The following FOXN3 variants were observed in gnomAD, a reference collection of about 807,000 sequenced individuals.
FOXN3 encodes forkhead box protein N3.
FOXN3 carries 7 observed loss-of-function variants against 38.4 expected under a neutral mutation model. The observed-to-expected ratio is 0.18, with a 90% CI of 0.10 to 0.34. The LOEUF is 0.34. Ranked by LOEUF, FOXN3 falls within the 10% of genes least tolerant of loss-of-function variation. FOXN3 has a pLI of 1.00. For synonymous variants in FOXN3, 230 were observed against 242.2 expected (o/e 0.95, Z 0.47); for missense variants, 456 against 613.4 (o/e 0.74, Z 2.71).
At chr14:89,303,869 C>T (rs1220231420) in intron 3 of FOXN3, among the ~76,000 whole-genome samples, 1 of 152,188 alleles carries the variant, frequency 6.6e-6, no homozygotes, top group Non-Finnish European at 1.5e-5. Flanking sequence ...CCCAGGCAAC[C>T]AAGCACTAAA....
intron 4 of FOXN3, among the ~76,000 whole-genome samples, chr14:89,230,121 A>C (rs78202277): frequency 0.039 from 5,922 of 152,332 alleles, 361 homozygotes; most frequent in African/African-American, 0.13. Context: ...CTCCATAGGA[A>C]ACCAGGGAGG....
intron 1 of FOXN3, among the ~76,000 whole-genome samples, chr14:89,495,797 C>T (rs1893667525): frequency 6.6e-6 from 1 of 152,134 alleles, no homozygotes; most frequent in Non-Finnish European, 1.5e-5. Flanking sequence ...TGGTAGGTAT[C>T]ACCAATCTCA....
intron 1 of FOXN3, chr14:89,493,796 T>C (rs1367718006): frequency 2.0e-5 from 3 of 152,108 alleles, no homozygotes; most frequent in Admixed American, 2.0e-4. Context: ...CACATTCGAT[T>C]TGCTTTAAGA....
chr14:89,433,068 C>T (rs1452114049), intron 1 of FOXN3, among the ~76,000 whole-genome samples: 1 of 152,224 alleles, frequency 6.6e-6, no homozygotes, highest in Non-Finnish European at 1.5e-5. Context: ...GAAACAGACA[C>T]ATTTGGCTGG....
intron 1 of FOXN3, among the ~76,000 whole-genome samples, chr14:89,441,697 G>A (rs1892386858): frequency 6.6e-6 from 1 of 152,120 alleles, no homozygotes; most frequent in Non-Finnish European, 1.5e-5. Context: ...GTCCAAACCT[G>A]CCAAGTGGAA....
chr14:89,394,212 CTT>C (rs35674375), intron 2 of FOXN3, among the ~76,000 whole-genome samples: 15 of 109,610 alleles, frequency 1.4e-4, no homozygotes, highest in African/African-American at 4.5e-4. Context: ...GATCGACGTT[CTT>C]TTTTTTTTTT....
At chr14:89,447,304 G>C (rs538531365) in intron 1 of FOXN3, among the ~76,000 whole-genome samples, 21 of 152,032 alleles carry the variant, frequency 1.4e-4, no homozygotes, top group African/African-American at 5.1e-4. Context: ...TCTCTGTAAA[G>C]ACAATCTTCA....
intron 5 of FOXN3, among the ~76,000 whole-genome samples, chr14:89,176,519 C>T (rs1185132708): frequency 6.6e-6 from 1 of 152,182 alleles, no homozygotes; most frequent in Non-Finnish European, 1.5e-5. Flanking sequence ...CAGACTGGGG[C>T]AGCAACCCCT....
upstream of FOXN3, among the ~76,000 whole-genome samples, chr14:89,421,660 G>A (rs573321796): frequency 2.0e-5 from 3 of 151,054 alleles, no homozygotes; most frequent in South Asian, 6.3e-4. Context: ...CCGAGTAGGT[G>A]GGATTACAGG....
Position 89,484,573 on chromosome 14 carries a change from T to C in FOXN3, c.-14-72083A>G, listed in dbSNP as rs183305010. The stretch of plus-strand genomic sequence containing the variant: ...GCACAGACAGGCGGCAGGCAGTATT[T>C]GGCCCCTGGGCCGACTGTGGTTTAC... On this transcript the variant is annotated intron_variant, in intron 1 of 6. Coordinates refer to the FOXN3 transcript ENST00000345097. This position sits in a 1 kb window ranked among gnomAD's most constrained non-coding sequence, Gnocchi z 4.0. 3.9e-5 allele frequency among the ~76,000 whole-genome samples: 6 copies of C among 152,378 alleles called. No individual in the cohort carries two copies. The highest frequency in any genetic ancestry group is 2.6e-4 in the Admixed American group (4 of 15,308).
intron 1 of FOXN3, among the ~76,000 whole-genome samples, chr14:89,451,377 AT>A (rs1357216587): frequency 6.6e-6 from 1 of 152,158 alleles, no homozygotes; most frequent in Non-Finnish European, 1.5e-5. Flanking sequence ...AGGAAATCTA[AT>A]TCCTCAAACC....
intron 1 of FOXN3, among the ~76,000 whole-genome samples, chr14:89,546,306 G>C (rs990010966): frequency 4.0e-5 from 5 of 123,504 alleles, no homozygotes; most frequent in Non-Finnish European, 8.9e-5. Flanking sequence ...TTTCCCAATA[G>C]CTTCTTTTCT....
At position 89,379,535 on chromosome 14, in the gene FOXN3, CTTCAG is replaced by C. The variant is rs989853675; in HGVS notation, c.544-28732_544-28728del. On this transcript the variant is annotated intron_variant, in intron 2 of 5. Transcript: ENST00000557258. ...AGTGTGCCCTGGGGAGCAAAATCAC[CTTCAG>C]TTAAGAACCACTGCTCCAGAGCATG... Among the ~76,000 whole-genome samples the C allele has an allele frequency of 3.3e-5, 5 of 152,174 alleles. No homozygotes were observed. In the East Asian group the frequency reaches 7.7e-4, roughly 23 times the overall value.
chr14:89,354,531 A>C (rs1449574236), intron 2 of FOXN3, among the ~76,000 whole-genome samples: 1 of 126,852 alleles, frequency 7.9e-6, no homozygotes, highest in Non-Finnish European at 1.6e-5. Context: ...CCGGCCGTGG[A>C]GTGCTTTTTA....
intron 1 of FOXN3, among the ~76,000 whole-genome samples, chr14:89,532,903 C>T (rs1020428009): frequency 3.3e-5 from 5 of 152,104 alleles, no homozygotes; most frequent in Non-Finnish European, 7.4e-5. Context: ...TATACCTATA[C>T]ATATAGATAA....
intron 1 of FOXN3, among the ~76,000 whole-genome samples, chr14:89,512,047 C>T (rs1894104619): frequency 6.6e-6 from 1 of 152,168 alleles, no homozygotes; most frequent in Non-Finnish European, 1.5e-5. Context: ...CGTGGCCAAA[C>T]CATAAGTACA....
At chr14:89,343,675 G>C (rs544232879) in intron 3 of FOXN3, among the ~76,000 whole-genome samples, 1 of 137,484 alleles carries the variant, frequency 7.3e-6, no homozygotes, top group Admixed American at 7.4e-5. Flanking sequence ...CTCTGAGGAA[G>C]CAAACAGAAA....
intron 3 of FOXN3, among the ~76,000 whole-genome samples, chr14:89,312,283 T>TGAAAAAAAAA (rs1596174701): frequency 1.6e-4 from 2 of 12,236 alleles, no homozygotes; most frequent in Non-Finnish European, 1.5e-4. Flanking sequence ...AGACTCGGTC[T>TGAAAAAAAAA]CAAAAAAAAA....
chr14:89,610,842 G>A (rs561965359), intron 1 of FOXN3, among the ~76,000 whole-genome samples: 3 of 152,186 alleles, frequency 2.0e-5, no homozygotes, highest in Non-Finnish European at 4.4e-5. Flanking sequence ...CCCCCGATTT[G>A]TGCATATGTC....
Sources: allele counts gnomAD v4.1 joint callset (sites outside exome capture counted in the v4.1 genomes callset), GRCh38; gene constraint gnomAD v4.1.1; non-coding constraint Gnocchi (gnomAD v3.1); transcripts MANE v1.5; gene names NCBI Gene and HGNC (gene_info 2026-07-23, HGNC 2026-07-21).